CREM: variants seen among roughly 807,000 people sequenced by gnomAD.
CREM encodes cAMP-responsive element modulator.
CREM carries 13 observed loss-of-function variants against 37.3 expected under a neutral mutation model. The ratio of observed to expected loss-of-function variants is 0.35; its 90% CI spans 0.23 to 0.55. The LOEUF is 0.55. Ranked by LOEUF, CREM falls within the 20% of genes least tolerant of loss-of-function variation. The pLI is 0.88. For missense variants in CREM, 296 were observed against 362.3 expected, an observed-to-expected ratio of 0.82 and a Z score of 1.49; for synonymous variants, 124 against 120.2, an observed-to-expected ratio of 1.03 and a Z score of -0.21.
chr10:35,192,776 T>C (rs1485695796), intron 6 of CREM, among the ~76,000 whole-genome samples: 1 of 152,088 alleles, frequency 6.6e-6, no homozygotes, highest in Non-Finnish European at 1.5e-5. Flanking sequence ...ACAGAGGAAA[T>C]TGGGTGGGGA....
intron 1 of CREM, 136 bp from the exon 2 acceptor site, chr10:35,137,646 A>AT (rs1454339340): frequency 3.0e-6 from 1 of 335,808 alleles, no homozygotes; most frequent in African/African-American, 2.2e-5. Context: ...GTTATTTTTT[A>AT]TTTTTAGTTT....
At chr10:35,149,939 C>CACACA (rs1554890903) in intron 3 of CREM, among the ~76,000 whole-genome samples, 16 of 145,238 alleles carry the variant, frequency 1.1e-4, no homozygotes, top group South Asian at 4.4e-4. Context: ...CACACACACA[C>CACACA]CCTTGTTAAA....
In CREM at chr10:35,177,172, A is replaced by G. The variant is rs562184685; in HGVS notation, c.169-1717A>G. Among the ~76,000 whole-genome samples the G allele has an allele frequency of 2.7e-4, 41 of 152,118 alleles. No homozygotes were observed. The South Asian group carries it at 4.1e-3, about 15-fold the overall frequency. On this transcript the variant is annotated intron_variant, in intron 3 of 7. Coordinates refer to ENST00000685392, the MANE Select transcript of CREM (RefSeq NM_183011.2). Reference sequence around the variant, plus strand: ...TAGTTTATCACAGTAGAATGATAAGAGTGGCGACAAGATACCTGATGTGAC... The same window carrying G: ...TAGTTTATCACAGTAGAATGATAAGGGTGGCGACAAGATACCTGATGTGAC...
intron 3 of CREM, among the ~76,000 whole-genome samples, chr10:35,178,549 AC>A (rs1589986395): frequency 6.6e-6 from 1 of 152,198 alleles, no homozygotes; most frequent in Non-Finnish European, 1.5e-5. Flanking sequence ...TCGTAGGAGC[AC>A]TTTCAGGTTG....
At chr10:35,168,373 C>T (rs1247619254) in intron 3 of CREM, among the ~76,000 whole-genome samples, 1 of 152,178 alleles carries the variant, frequency 6.6e-6, no homozygotes, top group Non-Finnish European at 1.5e-5. Context: ...TTTCATGTGT[C>T]TGTTGGCTGC....
intron 3 of CREM, among the ~76,000 whole-genome samples, chr10:35,156,129 T>A (rs1251595788): frequency 6.6e-6 from 1 of 151,508 alleles, no homozygotes; most frequent in Non-Finnish European, 1.5e-5. Context: ...TTAGTAGAGA[T>A]GGAGTTTCAC....
chr10:35,149,676 C>T (rs932519273), intron 3 of CREM, among the ~76,000 whole-genome samples: 1 of 152,024 alleles, frequency 6.6e-6, no homozygotes, highest in African/African-American at 2.4e-5. Context: ...CCAGGGGAAA[C>T]ACCAGGCACT....
chr10:35,171,597 T>A (rs970143055), intron 3 of CREM, among the ~76,000 whole-genome samples: 4 of 152,224 alleles, frequency 2.6e-5, no homozygotes, highest in South Asian at 4.1e-4. Flanking sequence ...CTGTTCTCCA[T>A]AATAATCTGA....
chr10:35,172,729 C>T (rs958435884), intron 3 of CREM, among the ~76,000 whole-genome samples: 10 of 152,122 alleles, frequency 6.6e-5, no homozygotes, highest in African/African-American at 1.7e-4. Context: ...TGCGTCCTGA[C>T]GACCCATGGT....
At chr10:35,156,003 G>A (rs909635812) in intron 3 of CREM, among the ~76,000 whole-genome samples, 3 of 149,422 alleles carry the variant, frequency 2.0e-5, no homozygotes, top group Non-Finnish European at 4.4e-5. Flanking sequence ...GCAGTGGCGC[G>A]ATCTCGGCTC....
At chr10:35,170,980 CT>C (rs1267069538) in intron 3 of CREM, among the ~76,000 whole-genome samples, 1 of 151,880 alleles carries the variant, frequency 6.6e-6, no homozygotes, top group African/African-American at 2.4e-5. Context: ...GGTTCTCAGC[CT>C]TTATTTTAGC....
chr10:35,187,139 A>AT (rs2094643884), intron 5 of CREM, among the ~76,000 whole-genome samples: 1 of 73,724 alleles, frequency 1.4e-5, no homozygotes, highest in South Asian at 3.1e-4. Context: ...TTAATATATT[A>AT]ATATATAATA....
At chr10:35,156,152 G>T (rs1458482981) in intron 3 of CREM, among the ~76,000 whole-genome samples, 3 of 151,416 alleles carry the variant, frequency 2.0e-5, no homozygotes, top group Non-Finnish European at 4.4e-5. Flanking sequence ...TGGTAGCCAG[G>T]ATGGTCTCAA....
At chr10:35,151,847 A>G (rs2092620325) in intron 3 of CREM, among the ~76,000 whole-genome samples, 1 of 152,268 alleles carries the variant, frequency 6.6e-6, no homozygotes, top group Non-Finnish European at 1.5e-5. Context: ...GACAATTCTT[A>G]GCAGTCAGAA....
intron 5 of CREM, chr10:35,179,556 A>C: frequency 2.8e-6 from 1 of 357,438 alleles, no homozygotes; most frequent in Non-Finnish European, 5.0e-6. Flanking sequence ...ATTAATCTCT[A>C]GTAAAACATT....
At chr10:35,207,074 G>C in intron 7 of CREM, 23 bp downstream of exon 7, 1 of 1,605,828 alleles carries the variant, frequency 6.2e-7, no homozygotes, top group Non-Finnish European at 8.5e-7. Flanking sequence ...ACAGGGAATC[G>C]GTAACTTCTA....
chr10:35,195,211 A>C (rs554656611), intron 6 of CREM: 1 of 1,614,054 alleles, frequency 6.2e-7, no homozygotes, highest in South Asian at 1.1e-5. Context: ...TGGAGATGAC[A>C]CAGGTAAGAA....
Position 35,197,154 on chromosome 10 carries a change from T to A in CREM, c.598+8766T>A, listed in dbSNP as rs1485956218. On this transcript the variant is annotated intron_variant, in intron 6 of 7. Coordinates refer to ENST00000685392, the MANE Select transcript of CREM (RefSeq NM_183011.2). ...ACCACTACATATAAATAAACAAACA[T>A]TTTTGACATTTGTTTTTACAGAATG... Among the ~76,000 whole-genome samples, 4 of 152,066 alleles carry A rather than the reference T, an allele frequency of 2.6e-5. No individual in the cohort carries two copies. The South Asian group carries it at 8.3e-4, about 31-fold the overall frequency.
chr10:35,147,961 G>C (rs2092297260), intron 2 of CREM, among the ~76,000 whole-genome samples: 1 of 152,154 alleles, frequency 6.6e-6, no homozygotes, highest in Admixed American at 6.5e-5. Flanking sequence ...AGAAAGCTAG[G>C]TAAAAACAGT....
Sources: allele counts gnomAD v4.1 joint callset (sites outside exome capture counted in the v4.1 genomes callset), GRCh38; gene constraint gnomAD v4.1.1; transcripts MANE v1.5; gene names NCBI Gene and HGNC (gene_info 2026-07-23, HGNC 2026-07-21).